The following MIB1 variants were observed in gnomAD, a reference collection of about 807,000 sequenced individuals.
MIB1 encodes the protein MIB E3 ubiquitin protein ligase 1.
Under a neutral mutation model 124.5 loss-of-function variants are expected in MIB1, and 278 were observed. The observed-to-expected ratio is 2.23, with a 90% CI of 2.02 to 2.47. MIB1 has a LOEUF of 2.47. Ranked by LOEUF, MIB1 falls within the 30% of genes most tolerant of loss-of-function variation. The probability of loss-of-function intolerance (pLI) is 0.00; values close to 1 mark genes in which losing one functional copy is unlikely to be tolerated. For missense variants in MIB1, 957 were observed against 1,254.4 expected (o/e 0.76, Z 3.58); for synonymous variants, 446 against 429.4 (o/e 1.04, Z -0.48).
At chr18:21,743,788 TA>T (rs886671390) in intron 1 of MIB1, among the ~76,000 whole-genome samples, 2 of 152,244 alleles carry the variant, frequency 1.3e-5, no homozygotes, top group Non-Finnish European at 2.9e-5. Context: ...GTATCTAGGG[TA>T]AAGTGTAACA....
intron 10 of MIB1, among the ~76,000 whole-genome samples, chr18:21,810,113 A>C (rs1358750926): frequency 6.6e-6 from 1 of 152,142 alleles, no homozygotes; most frequent in Non-Finnish European, 1.5e-5. Context: ...GTTAACAATG[A>C]ATCTTTCAGG....
chr18:21,834,505 C>G (rs912243183), intron 12 of MIB1, among the ~76,000 whole-genome samples: 1 of 152,154 alleles, frequency 6.6e-6, no homozygotes, highest in Non-Finnish European at 1.5e-5. Flanking sequence ...ATGAAGAACA[C>G]TACTTCAGCC....
At chr18:21,730,584 C>T (rs1240134678) in intron 1 of MIB1, among the ~76,000 whole-genome samples, 1 of 151,970 alleles carries the variant, frequency 6.6e-6, no homozygotes, top group East Asian at 1.9e-4. Flanking sequence ...ACCAACCATA[C>T]CGTGCTTTTG....
At chr18:21,836,868 G>A (rs1203792529) in intron 12 of MIB1, among the ~76,000 whole-genome samples, 1 of 151,970 alleles carries the variant, frequency 6.6e-6, no homozygotes, top group African/African-American at 2.4e-5. Flanking sequence ...GTATAATGTC[G>A]TACCAATACT....
intron 1 of MIB1, among the ~76,000 whole-genome samples, chr18:21,742,276 C>CTTT (rs573203298): frequency 7.3e-6 from 1 of 136,768 alleles, no homozygotes; most frequent in Non-Finnish European, 1.6e-5. Flanking sequence ...GTGGAGATGC[C>CTTT]TTTTTTTTTT....
chr18:21,766,278 C>A (rs1043180449), intron 2 of MIB1, among the ~76,000 whole-genome samples: 1 of 152,138 alleles, frequency 6.6e-6, no homozygotes, highest in Non-Finnish European at 1.5e-5. Context: ...TAATTGATAT[C>A]AGATGAATGG....
At chr18:21,801,690 C>T (rs1401858667) in intron 9 of MIB1, among the ~76,000 whole-genome samples, 2 of 152,040 alleles carry the variant, frequency 1.3e-5, no homozygotes, top group African/African-American at 4.8e-5. Context: ...AATCTGTATT[C>T]TTATACTTAA....
chr18:21,780,976 CTAATT>C (rs2041354532), intron 6 of MIB1, among the ~76,000 whole-genome samples: 1 of 152,174 alleles, frequency 6.6e-6, no homozygotes, highest in Non-Finnish European at 1.5e-5. Context: ...AGTGGCTGTA[CTAATT>C]TAAAGTCCCA....
chr18:21,712,425 A>G (rs2040669816), intron 1 of MIB1, among the ~76,000 whole-genome samples: 1 of 152,154 alleles, frequency 6.6e-6, no homozygotes, highest in African/African-American at 2.4e-5. Flanking sequence ...CACTCCTGTG[A>G]TTATACTATG....
intron 4 of MIB1, among the ~76,000 whole-genome samples, chr18:21,774,908 T>C (rs933683668): frequency 6.9e-6 from 1 of 144,430 alleles, no homozygotes; most frequent in Admixed American, 7.1e-5. Flanking sequence ...AGTGTCCCCT[T>C]AATTTATTTC....
At chr18:21,743,011 G>A (rs1345026915) in intron 1 of MIB1, among the ~76,000 whole-genome samples, 1 of 152,126 alleles carries the variant, frequency 6.6e-6, no homozygotes, top group Non-Finnish European at 1.5e-5. Context: ...GGAACTCCTG[G>A]CCTCAAGCAA....
chr18:21,781,658 G>A (rs993407568), intron 6 of MIB1, among the ~76,000 whole-genome samples: 5 of 151,210 alleles, frequency 3.3e-5, no homozygotes, highest in South Asian at 2.1e-4. Flanking sequence ...CAAGTGATCC[G>A]CCCACCTTGG....
chr18:21,743,819 T>A (rs1264233401), intron 1 of MIB1, among the ~76,000 whole-genome samples: 1 of 152,178 alleles, frequency 6.6e-6, no homozygotes, highest in Non-Finnish European at 1.5e-5. Context: ...CTACGGTGAT[T>A]TTTGAAGGGA....
intron 1 of MIB1, among the ~76,000 whole-genome samples, chr18:21,724,749 T>A (rs1394858044): frequency 3.3e-4 from 31 of 94,828 alleles, no homozygotes; most frequent in Middle Eastern, 6.3e-3. Context: ...TATATATATA[T>A]ATATATATAT....
chr18:21,750,304 A>G (rs1258214619), intron 1 of MIB1, among the ~76,000 whole-genome samples: 1 of 152,096 alleles, frequency 6.6e-6, no homozygotes, highest in African/African-American at 2.4e-5. Flanking sequence ...GGCGGGTGCC[A>G]CCATGTCCAG....
intron 10 of MIB1, among the ~76,000 whole-genome samples, chr18:21,810,378 T>C (rs2041757937): frequency 6.6e-6 from 1 of 151,946 alleles, no homozygotes; most frequent in African/African-American, 2.4e-5. Flanking sequence ...CTTGCAGAAA[T>C]AGAAAAATCT....
intron 12 of MIB1, chr18:21,825,392 TTTG>T (rs1360360314): frequency 3.9e-5 from 11 of 279,816 alleles, no homozygotes; most frequent in Admixed American, 1.0e-4. Context: ...GAAGGAAGTT[TTTG>T]TTGTTGTTGT....
chr18:21,824,710 A>G (rs1025387815), intron 12 of MIB1, among the ~76,000 whole-genome samples: 1 of 152,038 alleles, frequency 6.6e-6, no homozygotes, highest in Non-Finnish European at 1.5e-5. Context: ...TTCATTTTGA[A>G]ATGGAGGAGT....
chr18:21,864,173 C>T (rs1422315841), intron 20 of MIB1, among the ~76,000 whole-genome samples: 4 of 152,080 alleles, frequency 2.6e-5, no homozygotes, highest in African/African-American at 7.2e-5. Flanking sequence ...CACAGCGGCG[C>T]GATCTTGGCT....
Sources: allele counts gnomAD v4.1 joint callset (sites outside exome capture counted in the v4.1 genomes callset), GRCh38; gene constraint gnomAD v4.1.1; transcripts MANE v1.5; gene names NCBI Gene and HGNC (gene_info 2026-07-23, HGNC 2026-07-21).